DHX34: variants seen among roughly 807,000 people sequenced by gnomAD.
DHX34 encodes the protein DExH-box helicase 34, also known as probable ATP-dependent RNA helicase DHX34.
A neutral mutation model predicts 111.1 loss-of-function variants in DHX34; 96 were observed. That is an observed-to-expected ratio of 0.86 (90% CI 0.73 to 1.02). The LOEUF (loss-of-function observed/expected upper bound fraction) is 1.02. DHX34 is among the 50% of genes least tolerant of loss of function. The pLI, the probability that DHX34 is intolerant of heterozygous loss-of-function variation, is 0.00. For synonymous variants in DHX34, 688 were observed against 670.4 expected (o/e 1.03, Z -0.41); for missense variants, 1,560 against 1,579.9 (o/e 0.99, Z 0.21).
In DHX34 at chr19:47,352,998, T is replaced by G. The variant is rs756751356; in HGVS notation, c.-33T>G. On this transcript the variant is annotated 5_prime_UTR_variant, in exon 2 of 17. Coordinates refer to ENST00000328771, the MANE Select transcript of DHX34 (RefSeq NM_014681.6). The stretch of plus-strand genomic sequence containing the variant: ...GGATGAGAATATTTGTTTTGGGTGA[T>G]CAGAACTGAGACTCCTATTGTGGAT... 1.3e-6 allele frequency: 2 copies of G among 1,583,574 alleles called. No individual in the cohort carries two copies. The highest frequency in any genetic ancestry group is 1.8e-5 in the Admixed American group (1 of 56,386).
chr19:47,378,582 C>G (rs2122366997), intron 13 of DHX34, among the ~76,000 whole-genome samples: 1 of 152,326 alleles, frequency 6.6e-6, no homozygotes, highest in Admixed American at 6.5e-5. Flanking sequence ...GGAATCCCAG[C>G]ACCTTGGGAG....
At chr19:47,364,841 A>T (rs1393111746) in intron 6 of DHX34, among the ~76,000 whole-genome samples, 1 of 152,152 alleles carries the variant, frequency 6.6e-6, no homozygotes, top group Non-Finnish European at 1.5e-5. Context: ...CACAGCTGGC[A>T]AGTAGTAGAG....
intron 7 of DHX34, among the ~76,000 whole-genome samples, chr19:47,371,646 C>G (rs1262547808): frequency 6.6e-6 from 1 of 152,178 alleles, no homozygotes; most frequent in Non-Finnish European, 1.5e-5. Context: ...TTCACTCAGG[C>G]TAGAGTGTAA....
rs369190232 is a variant in DHX34 at position 47,379,538 on chromosome 19, C to T, written c.2707-172C>T. ...GACTCAGCGGCTGCCTTGTTCATGC[C>T]GTATCCCCAGCACCCGAAGGGGTGC... On this transcript the variant is annotated intron_variant, in intron 13 of 16. Transcript: ENST00000328771. 323 of 976,660 alleles carry T rather than the reference C, an allele frequency of 3.3e-4. 4 individuals are homozygous for T. The South Asian group carries it at 0.013, about 38-fold the overall frequency. 60.5% of individuals were successfully genotyped at this position (976,660 alleles called of 1,614,324 possible).
At chr19:47,349,867 A>G (rs2341876) in intron 1 of DHX34, among the ~76,000 whole-genome samples, 17,600 of 152,110 alleles carry the variant, frequency 0.12, 1,606 homozygotes, top group African/African-American at 0.25. Flanking sequence ...TTGAAATAGG[A>G]AGAACCCCAC....
chr19:47,377,411 G>T (rs1970203546), intron 13 of DHX34, among the ~76,000 whole-genome samples: 1 of 152,212 alleles, frequency 6.6e-6, no homozygotes, highest in Non-Finnish European at 1.5e-5. Flanking sequence ...CCTGCTGGGT[G>T]CCAGGCGCTG....
chr19:47,377,214 T>C lies in DHX34; in HGVS notation c.2706+8T>C. ...CGCATCCCTGCCCTCCAGGTGGGCC[T>C]CTGCCCCACCCCGCCCCCATGCCCA... On this transcript the variant is annotated splice_region_variant and intron_variant, in intron 13 of 16. Transcript: ENST00000328771. 6.2e-7 allele frequency: 1 copy of C among 1,610,516 alleles called. No individual in the cohort carries two copies. Among genetic ancestry groups the C allele is most frequent in the African/African-American group, 1.3e-5 (1 of 74,984 alleles).
At chr19:47,377,465 A>C (rs1970205534) in intron 13 of DHX34, among the ~76,000 whole-genome samples, 2 of 146,118 alleles carry the variant, frequency 1.4e-5, no homozygotes. Flanking sequence ...CATGAAGCCC[A>C]GCCCCTGCCC....
chr19:47,380,383 G>A (rs542801375), intron 14 of DHX34, among the ~76,000 whole-genome samples: 1 of 152,138 alleles, frequency 6.6e-6, no homozygotes, highest in South Asian at 2.1e-4. Context: ...GAAATTGCTC[G>A]TGGTTCTACT....
At chr19:47,358,569 T>C (rs1969531628) in intron 4 of DHX34, among the ~76,000 whole-genome samples, 1 of 151,970 alleles carries the variant, frequency 6.6e-6, no homozygotes, top group Non-Finnish European at 1.5e-5. Context: ...TCCTCTCTCC[T>C]TAGTCTCCCA....
Position 47,379,699 on chromosome 19 carries a change from C to T in DHX34, c.2707-11C>T. ...CCACCTACTCCCTGTCTTCTGCCCCCTCTCTTTCAGTCCCTCCTGCTTTTT... is the reference window on the plus strand; with the variant it reads ...CCACCTACTCCCTGTCTTCTGCCCCTTCTCTTTCAGTCCCTCCTGCTTTTT... On this transcript the variant is annotated splice_polypyrimidine_tract_variant and intron_variant, in intron 13 of 16. Transcript: ENST00000328771. The T allele has an allele frequency of 6.3e-7, 1 of 1,587,174 alleles. No homozygotes were observed. The highest frequency in any genetic ancestry group is 1.1e-5 in the South Asian group (1 of 89,556).
At chr19:47,358,193 G>A in intron 4 of DHX34, 73 bp downstream of exon 4, 3 of 1,538,170 alleles carry the variant, frequency 2.0e-6, no homozygotes, top group Non-Finnish European at 2.6e-6. Flanking sequence ...CAGGACTTGT[G>A]TAACTCCACA....
At chr19:47,358,967 G>A (rs1322965950) in intron 4 of DHX34, among the ~76,000 whole-genome samples, 3 of 151,998 alleles carry the variant, frequency 2.0e-5, no homozygotes, top group Non-Finnish European at 2.9e-5. Flanking sequence ...ACTGTGTTGC[G>A]CAGGCTGGTT....
rs778067783 is a variant in DHX34, at chr19:47,362,460, C to T, written c.1376-16C>T. 14 of 1,545,888 alleles carry T rather than the reference C, an allele frequency of 9.1e-6. No homozygotes were observed. The East Asian group carries it at 3.3e-4, about 36-fold the overall frequency. ...CTGCCACACACAGACTCCCTTTCCT[C>T]ATTGCTCCCATCCAGGAAAGGTGAA... is the stretch of plus-strand genomic sequence containing the variant. On this transcript the variant is annotated splice_polypyrimidine_tract_variant and intron_variant, in intron 5 of 16. Transcript: ENST00000328771.
At position 47,372,800 on chromosome 19, in the gene DHX34, C is replaced by CCTAA; in HGVS notation, c.1839_1840insCTAA (p.Val614LeufsTer29). The CCTAA allele has an allele frequency of 2.5e-6, 4 of 1,613,146 alleles. No homozygotes were observed. The highest frequency in any genetic ancestry group is 2.5e-6 in the Non-Finnish European group (3 of 1,179,838). On this transcript the variant is annotated frameshift_variant, in exon 8 of 17. Coordinates refer to ENST00000328771, the MANE Select transcript of DHX34 (RefSeq NM_014681.6). LOFTEE classifies it high-confidence loss of function. ...TGCTCACCATCGCAGCCGCACTTAG[C>CCTAA]GTCCAGTCGCCCTTCACCCGCAGCG...
At chr19:47,361,780 G>T (rs867756612) in intron 5 of DHX34, among the ~76,000 whole-genome samples, 6 of 151,934 alleles carry the variant, frequency 3.9e-5, no homozygotes, top group Middle Eastern at 3.2e-3. Context: ...CTCAAAAAAA[G>T]AAAAGAAAGA....
chr19:47,358,756 A>G (rs1040913093), intron 4 of DHX34, among the ~76,000 whole-genome samples: 10 of 152,106 alleles, frequency 6.6e-5, no homozygotes, highest in African/African-American at 9.7e-5. Context: ...CTGGGACTAC[A>G]GGCACCCGCC....
chr19:47,361,554 G>C (rs2122248909), intron 5 of DHX34, among the ~76,000 whole-genome samples: 1 of 150,596 alleles, frequency 6.6e-6, no homozygotes, highest in Admixed American at 6.6e-5. Context: ...TGAGGCAGGT[G>C]GATCACCTGA....
In DHX34 at chr19:47,372,894, C is replaced by T. The variant is rs1568403399; in HGVS notation, c.1933C>T (p.Leu645Phe). 1 of 1,606,312 alleles carries T rather than the reference C, an allele frequency of 6.2e-7. No individual in the cohort carries two copies. Among genetic ancestry groups the T allele is most frequent in the African/African-American group, 1.3e-5 (1 of 74,886 alleles). The change falls in exon 8 of 17, where the codon CTC becomes TTC. Residue 645 changes from leucine (L) to phenylalanine (F), a missense_variant. Transcript: ENST00000328771. Reference sequence around the variant, plus strand: ...GAGCGACCAGGGTGACCCCTTCACGCTCTTCAACGTCTTCAACGCCTGGGT... The same window carrying T: ...GAGCGACCAGGGTGACCCCTTCACGTTCTTCAACGTCTTCAACGCCTGGGT... ...LESDQGDPFTLFNVFNAWVQV... is the reference protein window; with the variant it reads ...LESDQGDPFTFFNVFNAWVQV...
Sources: gnomAD v4.1 joint callset for allele counts (sites outside exome capture counted in the v4.1 genomes callset) on GRCh38, gnomAD v4.1.1 for gene constraint, MANE v1.5 for transcripts, NCBI Gene and HGNC (gene_info 2026-07-23, HGNC 2026-07-21) for gene names.